DNAI2: variants seen among roughly 807,000 people sequenced by gnomAD.
DNAI2 encodes dynein axonemal intermediate chain 2.
In DNAI2, 63 loss-of-function variants were observed where a neutral mutation model predicts 74.7. The observed-to-expected ratio is 0.84, with a 90% CI of 0.69 to 1.04. DNAI2 has a LOEUF of 1.04. DNAI2 is among the 50% of genes least tolerant of loss of function. The probability of loss-of-function intolerance (pLI) is 0.00; values close to 1 mark genes in which losing one functional copy is unlikely to be tolerated. For synonymous variants in DNAI2, 289 were observed against 314.9 expected, an observed-to-expected ratio of 0.92 and a Z score of 0.87; for missense variants, 688 against 803.2, an observed-to-expected ratio of 0.86 and a Z score of 1.73.
At chr17:74,294,376 C>T (rs2052313099) in intron 6 of DNAI2, among the ~76,000 whole-genome samples, 1 of 150,754 alleles carries the variant, frequency 6.6e-6, no homozygotes, top group African/African-American at 2.4e-5. Context: ...GTGCTGTGAT[C>T]ATAGCTCACT....
chr17:74,285,968 TATAGAG>T (rs1185547530), intron 3 of DNAI2, among the ~76,000 whole-genome samples: 3 of 137,100 alleles, frequency 2.2e-5, no homozygotes, highest in African/African-American at 8.3e-5. Context: ...CATATATATA[TATAGAG>T]AGAGAGAGAG....
At chr17:74,306,449 ATAAT>A (rs1410914508) in intron 9 of DNAI2, among the ~76,000 whole-genome samples, 4 of 152,078 alleles carry the variant, frequency 2.6e-5, no homozygotes, top group Non-Finnish European at 4.4e-5. Flanking sequence ...GCATGTATAA[ATAAT>A]TACTTTTTTC....
chr17:74,302,632 G>A (rs746761761), intron 8 of DNAI2, among the ~76,000 whole-genome samples: 1 of 152,190 alleles, frequency 6.6e-6, no homozygotes, highest in Non-Finnish European at 1.5e-5. Context: ...ATGTGTTAGA[G>A]GAGGGAAGCT....
chr17:74,277,114 C>T (rs1190368582), intron 1 of DNAI2, among the ~76,000 whole-genome samples: 2 of 152,078 alleles, frequency 1.3e-5, no homozygotes, highest in Non-Finnish European at 2.9e-5. Context: ...AGGCTGGGTG[C>T]GGTGGCTCAT....
chr17:74,309,871 A>C (rs1033070447), intron 10 of DNAI2, 146 bp from the exon 11 acceptor site: 1 of 1,054,386 alleles, frequency 9.5e-7, no homozygotes, highest in Non-Finnish European at 1.4e-6. Context: ...CCAGTCTCCG[A>C]GTTTGAACTT....
At chr17:74,290,265 G>A (rs983991324) in intron 5 of DNAI2, among the ~76,000 whole-genome samples, 6 of 152,182 alleles carry the variant, frequency 3.9e-5, no homozygotes, top group East Asian at 1.9e-4. Flanking sequence ...GCAGTGAGCC[G>A]AGATCATGCC....
Position 74,287,175 on chromosome 17 carries a change from G to T in DNAI2, c.467+77G>T, listed in dbSNP as rs12452656. The T allele has an allele frequency of 0.14, 228,759 of 1,580,496 alleles. 18,139 individuals carry two copies. The highest frequency in any genetic ancestry group is 0.16 in the Non-Finnish European group (189,903 of 1,161,810). ...TGGGCGCCTCCAAAGGCAACTCCTTGCCATCGCTGCATGCCCTGGGTGCAG... is the reference window on the plus strand; with the variant it reads ...TGGGCGCCTCCAAAGGCAACTCCTTTCCATCGCTGCATGCCCTGGGTGCAG... On this transcript the variant is annotated intron_variant, in intron 4 of 13. Transcript: ENST00000311014.
intron 9 of DNAI2, 59 bp from the exon 10 acceptor site, chr17:74,309,194 C>G (rs1567874836): frequency 1.2e-6 from 2 of 1,604,874 alleles, no homozygotes; most frequent in South Asian, 2.2e-5. Flanking sequence ...ACCAAGTGAG[C>G]CAAGCTGTGG....
intron 2 of DNAI2, among the ~76,000 whole-genome samples, chr17:74,282,498 G>C (rs907356036): frequency 2.0e-5 from 3 of 152,098 alleles, no homozygotes; most frequent in Admixed American, 6.6e-5. Context: ...ATGAGGTTTT[G>C]CCATGTTGCC....
chr17:74,299,927 A>T, intron 7 of DNAI2, 70 bp downstream of exon 7: 9 of 1,598,532 alleles, frequency 5.6e-6, no homozygotes, highest in Non-Finnish European at 6.8e-6. Flanking sequence ...GTTCCCCATC[A>T]GAACCCCTGG....
At position 74,285,158 on chromosome 17, in the gene DNAI2, A is replaced by T; in HGVS notation, c.302A>T (p.Glu101Val). 6 of 1,614,214 alleles carry T rather than the reference A, an allele frequency of 3.7e-6. No individual in the cohort carries two copies. Among genetic ancestry groups the T allele is most frequent in the Non-Finnish European group, 5.1e-6 (6 of 1,180,028 alleles). Residue 101 changes from glutamate to valine, a missense_variant, in exon 3 of 14, where the codon GAG (glutamate) becomes GTG (valine). Coordinates refer to ENST00000311014, the MANE Select transcript of DNAI2 (RefSeq NM_023036.6). ...EQTIRFRKKV[E>V]KDENYVNAIM... ...ACCATCCGTTTCCGGAAGAAAGTGG[A>T]GAAAGATGAGAACTACGTTAACGCC... is the stretch of plus-strand genomic sequence containing the variant.
rs139168160 is a variant in DNAI2, at chr17:74,293,575, G to A, written c.724+2442G>A. Among the ~76,000 whole-genome samples the A allele has an allele frequency of 5.6e-3, 850 of 151,702 alleles. 9 individuals carry two copies. The highest frequency in any genetic ancestry group is 0.014 in the Middle Eastern group (4 of 294). On this transcript the variant is annotated intron_variant, in intron 6 of 13. Transcript: ENST00000311014. ...GTCTTGTAGCCAGGTGTGGTGACAC[G>A]CACCTGTAATCCCAGCTACTTGGGA...
intron 3 of DNAI2, 116 bp downstream of exon 3, chr17:74,285,317 G>A (rs762980383): frequency 5.3e-5 from 71 of 1,343,974 alleles, no homozygotes; most frequent in South Asian, 2.1e-4. Flanking sequence ...GAATGCTGGG[G>A]GGAAGGGGAC....
rs773581570 is a variant in DNAI2, at chr17:74,305,394, C to G, written c.1163C>G (p.Ala388Gly). 13 of 1,614,184 alleles carry G rather than the reference C, an allele frequency of 8.1e-6. No individual in the cohort carries two copies. Among genetic ancestry groups the G allele is most frequent in the Non-Finnish European group, 1.1e-5 (13 of 1,180,044 alleles). Residue 388 changes from alanine (A) to glycine (G), a missense_variant, in exon 9 of 14, where the codon GCC becomes GGC. Coordinates refer to ENST00000311014, the MANE Select transcript of DNAI2 (RefSeq NM_023036.6). ...KNFLTVGDWT[A>G]RIWSEDSRES... ...TTCCTGACGGTTGGCGACTGGACAG[C>G]CCGCATTTGGTCTGAAGACAGCCGG...
At chr17:74,304,227 C>G (rs1301541350) in intron 8 of DNAI2, among the ~76,000 whole-genome samples, 2 of 98,976 alleles carry the variant, frequency 2.0e-5, no homozygotes, top group East Asian at 6.9e-4. Flanking sequence ...TAGGGCCTTG[C>G]TCTGTAGGCC....
rs532646514 is a variant in DNAI2, at chr17:74,301,683, C to A, written c.987+515C>A. 2.0e-5 allele frequency among the ~76,000 whole-genome samples: 3 copies of A among 151,718 alleles called. No individual in the cohort carries two copies. The East Asian group carries it at 5.8e-4, about 30-fold the overall frequency. ...GTCACTGAGAATGACAAAGAAATAT[C>A]AAAGTTCAGGTCGGGCAGGGTGGCT... is the stretch of plus-strand genomic sequence containing the variant. On this transcript the variant is annotated intron_variant, in intron 8 of 13. Coordinates refer to ENST00000311014, the MANE Select transcript of DNAI2 (RefSeq NM_023036.6).
intron 1 of DNAI2, among the ~76,000 whole-genome samples, chr17:74,281,181 C>T (rs1567839076): frequency 6.6e-6 from 1 of 151,842 alleles, no homozygotes; most frequent in East Asian, 1.9e-4. Flanking sequence ...CCAGCTGCAG[C>T]ATGCATTAGC....
chr17:74,305,627 C>T, intron 9 of DNAI2, among the ~76,000 whole-genome samples, 185 bp downstream of exon 9: 1 of 151,640 alleles, frequency 6.6e-6, no homozygotes, highest in Non-Finnish European at 1.5e-5. Context: ...AAGCTTCAAA[C>T]ACTCAGTTAC....
In DNAI2 at chr17:74,285,068, C is replaced by A; in HGVS notation, c.212C>A (p.Thr71Asn). 6.2e-7 allele frequency: 1 copy of A among 1,614,196 alleles called. No individual in the cohort carries two copies. The highest frequency in any genetic ancestry group is 8.5e-7 in the Non-Finnish European group (1 of 1,180,034). ...AACTCAGAGCGGTTTGAGATGGAGA[C>A]CCGGGGAGTTAACCATGTCGAGGGG... ...EANSERFEME[T>N]RGVNHVEGGW... The change falls in exon 3 of 14, where the codon ACC becomes AAC. Residue 71 changes from threonine (T) to asparagine (N), a missense_variant. Transcript: ENST00000311014.
Sources: allele counts gnomAD v4.1 joint callset (sites outside exome capture counted in the v4.1 genomes callset), GRCh38; gene constraint gnomAD v4.1.1; transcripts MANE v1.5; gene names NCBI Gene and HGNC (gene_info 2026-07-23, HGNC 2026-07-21).